AGBL4: variants seen among roughly 807,000 people sequenced by gnomAD.
AGBL4 encodes the protein AGBL carboxypeptidase 4.
A neutral mutation model predicts 66.4 loss-of-function variants in AGBL4; 58 were observed. The observed-to-expected ratio is 0.87, with a 90% confidence interval of 0.71 to 1.09. The LOEUF is 1.09. Ranked by LOEUF, AGBL4 falls within the 50% of genes least tolerant of loss-of-function variation. The pLI is 0.00. For missense variants in AGBL4, 579 were observed against 631.0 expected (o/e 0.92, Z 0.88); for synonymous variants, 234 against 222.9 (o/e 1.05, Z -0.44).
chr1:49,950,211 C>T (rs1386382548), intron 1 of AGBL4, among the ~76,000 whole-genome samples: 1 of 146,816 alleles, frequency 6.8e-6, no homozygotes, highest in East Asian at 2.0e-4. Flanking sequence ...TATATGAATA[C>T]TACTCTGCCA....
At chr1:49,274,801 A>G (rs1644135635) in intron 3 of AGBL4, among the ~76,000 whole-genome samples, 1 of 152,138 alleles carries the variant, frequency 6.6e-6, no homozygotes, top group African/African-American at 2.4e-5. Context: ...CAAGCAGAAC[A>G]AGAGTTAATT....
At chr1:49,796,505 ATAATTTAAATTTAAATTTAAAATT>A (rs926541669) in intron 2 of AGBL4, among the ~76,000 whole-genome samples, 136 of 151,538 alleles carry the variant, frequency 9.0e-4, no homozygotes, top group African/African-American at 3.1e-3. Context: ...TATTAAATTT[ATAATTTAAATTTAAATTTAAAATT>A]TAATTTAAAT....
intron 5 of AGBL4, among the ~76,000 whole-genome samples, chr1:48,963,489 T>G (rs945848264): frequency 1.3e-5 from 2 of 151,984 alleles, no homozygotes; most frequent in Non-Finnish European, 1.5e-5. Flanking sequence ...ACTTAAAATG[T>G]GTAGAATTCA....
At chr1:49,916,826 G>A (rs1651566027) in intron 1 of AGBL4, among the ~76,000 whole-genome samples, 1 of 152,178 alleles carries the variant, frequency 6.6e-6, no homozygotes, top group African/African-American at 2.4e-5. Context: ...GTTAAGGGCA[G>A]CCAGAGAGAA....
chr1:49,636,865 T>C lies in AGBL4; in HGVS notation c.282+60448A>G, dbSNP rs190505242. Reference sequence around the variant, plus strand: ...GTGTCAACTTGATTGGATTGAAAGATGAAAAATATTGATCCTGGGTGTGTC... The same window carrying C: ...GTGTCAACTTGATTGGATTGAAAGACGAAAAATATTGATCCTGGGTGTGTC... On this transcript the variant is annotated intron_variant, in intron 3 of 13. Transcript: ENST00000371839. Among the ~76,000 whole-genome samples the C allele has an allele frequency of 1.4e-3, 210 of 152,226 alleles. 2 individuals are homozygous for C. Among genetic ancestry groups the C allele is most frequent in the Non-Finnish European group, 2.0e-3 (138 of 68,002 alleles).
chr1:49,975,084 A>G (rs1658447508), intron 1 of AGBL4, among the ~76,000 whole-genome samples: 1 of 152,196 alleles, frequency 6.6e-6, no homozygotes, highest in South Asian at 2.1e-4. Flanking sequence ...ACTCAGATTA[A>G]ATAACTGCAT....
Position 48,534,218 on chromosome 1 carries a change from G to C in AGBL4, c.1467C>G (p.Asp489Glu). The C allele has an allele frequency of 6.4e-7, 1 of 1,551,646 alleles. No homozygotes were observed. Among genetic ancestry groups the C allele is most frequent in the Non-Finnish European group, 8.7e-7 (1 of 1,146,942 alleles). ...PASNYPNSKG[D>E]KKSSVNHKDP... The stretch of plus-strand genomic sequence containing the variant: ...CTTTGTGGTTCACTGAGCTCTTCTT[G>C]TCCCCTTTGCTGTTGGGGTAGTTGC... The change falls in exon 14 of 14, where the codon GAC becomes GAG. Residue 489 changes from aspartate (D) to glutamate (E), a missense_variant. Physicochemically the swap from Asp to Glu is conservative, Grantham distance 45. Coordinates refer to ENST00000371839, the MANE Select transcript of AGBL4 (RefSeq NM_032785.4).
chr1:49,845,566 G>A lies in AGBL4; in HGVS notation c.157+5830C>T, dbSNP rs1646118467. The A allele has an allele frequency of 3.7e-6, 6 of 1,601,258 alleles. No homozygotes were observed. The Admixed American group carries it at 6.7e-5, about 18-fold the overall frequency. ...GACCAAACACCAGCAAATCCACACAGGGGAGAAGCCCTACGAGTGCCATGA... is the reference window on the plus strand; with the variant it reads ...GACCAAACACCAGCAAATCCACACAAGGGAGAAGCCCTACGAGTGCCATGA... On this transcript the variant is annotated intron_variant, in intron 2 of 13. Transcript: ENST00000371839.
intron 4 of AGBL4, among the ~76,000 whole-genome samples, chr1:49,130,451 A>G (rs1645866640): frequency 6.6e-6 from 1 of 152,128 alleles, no homozygotes; most frequent in African/African-American, 2.4e-5. Flanking sequence ...TTTTAGGTCT[A>G]ACGTTTAAGT....
chr1:48,560,304 A>G (rs1644378511), intron 11 of AGBL4, among the ~76,000 whole-genome samples: 1 of 152,154 alleles, frequency 6.6e-6, no homozygotes, highest in Non-Finnish European at 1.5e-5. Context: ...CTAGTACTTG[A>G]GCACAGCAAC....
chr1:49,764,371 T>C, intron 2 of AGBL4, among the ~76,000 whole-genome samples: 1 of 152,076 alleles, frequency 6.6e-6, no homozygotes, highest in Non-Finnish European at 1.5e-5. Flanking sequence ...ACAGAGGCCT[T>C]CTGAAAACCA....
intron 3 of AGBL4, among the ~76,000 whole-genome samples, chr1:49,600,955 G>A (rs56163878): frequency 0.05 from 7,578 of 152,172 alleles, 301 homozygotes; most frequent in East Asian, 0.15. Context: ...GTTGAATTTG[G>A]GCCCCCACTT....
At chr1:49,753,786 T>C (rs1651663615) in intron 2 of AGBL4, among the ~76,000 whole-genome samples, 1 of 152,208 alleles carries the variant, frequency 6.6e-6, no homozygotes, top group Non-Finnish European at 1.5e-5. Context: ...CTTTTTTCTC[T>C]AATCTTGTCT....
chr1:49,340,378 T>C (rs1290945370), intron 3 of AGBL4, among the ~76,000 whole-genome samples: 1 of 152,184 alleles, frequency 6.6e-6, no homozygotes, highest in Non-Finnish European at 1.5e-5. Context: ...TCCTTCACTA[T>C]TTAGCCTCTA....
At chr1:48,752,798 G>A (rs1315129503) in intron 6 of AGBL4, among the ~76,000 whole-genome samples, 1 of 151,938 alleles carries the variant, frequency 6.6e-6, no homozygotes, top group South Asian at 2.1e-4. Flanking sequence ...TCGCCAGGCT[G>A]GAGTGCAGTG....
chr1:48,846,339 A>G (rs1021877571), intron 6 of AGBL4, among the ~76,000 whole-genome samples: 2 of 150,600 alleles, frequency 1.3e-5, no homozygotes, highest in South Asian at 2.1e-4. Context: ...TAGATAAGAA[A>G]AAGAAAAGAA....
At chr1:48,664,392 G>A (rs1311229999) in intron 6 of AGBL4, among the ~76,000 whole-genome samples, 5 of 152,154 alleles carry the variant, frequency 3.3e-5, no homozygotes, top group Admixed American at 6.5e-5. Flanking sequence ...CAACTAAAGA[G>A]GAAGTCCTCA....
intron 3 of AGBL4, among the ~76,000 whole-genome samples, chr1:49,258,155 T>C (rs1652727149): frequency 6.6e-6 from 1 of 152,114 alleles, no homozygotes; most frequent in Admixed American, 6.6e-5. Flanking sequence ...AACCCATCTG[T>C]ACATCACCAT....
intron 6 of AGBL4, among the ~76,000 whole-genome samples, chr1:48,838,736 C>T (rs1646737122): frequency 6.6e-6 from 1 of 152,058 alleles, no homozygotes; most frequent in African/African-American, 2.4e-5. Flanking sequence ...AAACAATCAA[C>T]AAAGTGAAGA....
Sources: gnomAD v4.1 joint callset for allele counts (sites outside exome capture counted in the v4.1 genomes callset) on GRCh38, gnomAD v4.1.1 for gene constraint, MANE v1.5 for transcripts, NCBI Gene and HGNC (gene_info 2026-07-23, HGNC 2026-07-21) for gene names.